Variants in CSMD1 observed in about 807,000 individuals in gnomAD.
CSMD1 encodes CUB and Sushi multiple domains 1.
A neutral mutation model predicts 417.5 loss-of-function variants in CSMD1; 213 were observed. That is an observed-to-expected ratio of 0.51 (90% CI 0.46 to 0.57). CSMD1 has a LOEUF of 0.57. Among genes scored for constraint, CSMD1 ranks in the 20% least tolerant of loss-of-function variants. The probability of loss-of-function intolerance (pLI) is 0.00; values close to 1 mark genes in which losing one functional copy is unlikely to be tolerated. For synonymous variants in CSMD1, 2,862 were observed against 1,736.8 expected (o/e 1.65, Z -16.11); for missense variants, 6,923 against 4,529.7 (o/e 1.53, Z -15.17).
intron 3 of CSMD1, among the ~76,000 whole-genome samples, chr8:4,196,892 A>T (rs1335811464): frequency 2.0e-5 from 3 of 152,206 alleles, no homozygotes; most frequent in African/African-American, 7.2e-5. Flanking sequence ...CGCCATCTTC[A>T]TTAAATTCCC....
At chr8:3,460,054 G>C (rs561985751) in intron 12 of CSMD1, among the ~76,000 whole-genome samples, 22 of 152,150 alleles carry the variant, frequency 1.4e-4, no homozygotes, top group Non-Finnish European at 2.1e-4. Context: ...GGCATAAAGA[G>C]GTCCTTGCAT....
At chr8:3,830,158 A>C (rs1178289965) in intron 5 of CSMD1, among the ~76,000 whole-genome samples, 2 of 152,168 alleles carry the variant, frequency 1.3e-5, no homozygotes, top group Non-Finnish European at 2.9e-5. Flanking sequence ...TATGCTCCAG[A>C]GTTTCTCTTC....
chr8:3,617,664 C>G (rs1802208937), intron 7 of CSMD1, among the ~76,000 whole-genome samples: 1 of 152,094 alleles, frequency 6.6e-6, no homozygotes, highest in Non-Finnish European at 1.5e-5. Context: ...TTCCTATAAT[C>G]CAAGGATGGA....
chr8:3,472,197 G>T (rs1817143151), intron 11 of CSMD1, among the ~76,000 whole-genome samples: 1 of 152,006 alleles, frequency 6.6e-6, no homozygotes, highest in Admixed American at 6.6e-5. Flanking sequence ...CCACTCTACT[G>T]CAAGGTATAA....
At chr8:3,916,556 G>T (rs188702390) in intron 5 of CSMD1, among the ~76,000 whole-genome samples, 5 of 152,218 alleles carry the variant, frequency 3.3e-5, no homozygotes, top group Admixed American at 3.3e-4. Context: ...ATCCGATTAT[G>T]TATGAAGTAT....
intron 23 of CSMD1, among the ~76,000 whole-genome samples, chr8:3,336,351 CAT>C (rs1807262198): frequency 6.6e-6 from 1 of 152,188 alleles, no homozygotes; most frequent in African/African-American, 2.4e-5. Context: ...TGCCAAGAGA[CAT>C]GTGTCACCTT....
intron 5 of CSMD1, among the ~76,000 whole-genome samples, chr8:3,891,694 A>AC (rs1167692772): frequency 6.6e-6 from 1 of 151,640 alleles, no homozygotes; most frequent in Non-Finnish European, 1.5e-5. Context: ...AAACGAAAAA[A>AC]AAAGGATTAA....
chr8:3,521,834 T>G (rs146407824), intron 10 of CSMD1, among the ~76,000 whole-genome samples: 2 of 152,206 alleles, frequency 1.3e-5, no homozygotes, highest in South Asian at 4.1e-4. Flanking sequence ...CTTTAAGAAA[T>G]GTATATTATC....
intron 3 of CSMD1, among the ~76,000 whole-genome samples, chr8:4,249,915 C>G (rs978620672): frequency 1.3e-5 from 2 of 152,042 alleles, no homozygotes; most frequent in African/African-American, 4.8e-5. Flanking sequence ...CTGGGAGCTC[C>G]TGGGAAGTGT....
intron 3 of CSMD1, among the ~76,000 whole-genome samples, chr8:4,141,682 G>A (rs1170283450): frequency 6.6e-6 from 1 of 150,998 alleles, no homozygotes; most frequent in African/African-American, 2.5e-5. Context: ...TCCAGAAATT[G>A]CTTAAATTTT....
Position 4,271,043 on chromosome 8 carries a change from A to G in CSMD1, c.415+148910T>C, listed in dbSNP as rs192504644. On this transcript the variant is annotated intron_variant, in intron 3 of 69. Coordinates refer to ENST00000635120, the MANE Select transcript of CSMD1 (RefSeq NM_033225.6). ...CTAGTGGGAAGAGAGTTAAAGAAAG[A>G]TTTCCTAGAAGAGCTGGTGCAGAAA... Among the ~76,000 whole-genome samples, 235 of 152,298 alleles carry G rather than the reference A, an allele frequency of 1.5e-3. 1 individual carries two copies. The highest frequency in any genetic ancestry group is 5.2e-3 in the African/African-American group (217 of 41,554).
intron 3 of CSMD1, among the ~76,000 whole-genome samples, chr8:4,074,257 G>T (rs923374587): frequency 2.6e-5 from 4 of 151,888 alleles, no homozygotes; most frequent in African/African-American, 9.7e-5. Flanking sequence ...AAAACAAATT[G>T]TTTCATAAAG....
chr8:4,701,662 T>A (rs1023494534), intron 1 of CSMD1, among the ~76,000 whole-genome samples: 3 of 151,766 alleles, frequency 2.0e-5, no homozygotes, highest in African/African-American at 7.3e-5. Flanking sequence ...GGTCCACACA[T>A]CTCCTCTGTC....
intron 2 of CSMD1, among the ~76,000 whole-genome samples, chr8:4,612,647 G>T (rs999779343): frequency 2.0e-5 from 3 of 152,142 alleles, no homozygotes; most frequent in African/African-American, 7.2e-5. Context: ...GGACCCATCA[G>T]CCTTCTCCAT....
intron 5 of CSMD1, among the ~76,000 whole-genome samples, chr8:3,987,199 C>T (rs148830704): frequency 1.2e-4 from 18 of 152,334 alleles, no homozygotes; most frequent in African/African-American, 3.8e-4. Context: ...TTTACACACA[C>T]CGTGCCCACA....
intron 1 of CSMD1, among the ~76,000 whole-genome samples, chr8:4,976,430 T>A (rs1209134904): frequency 1.3e-5 from 2 of 152,220 alleles, no homozygotes; most frequent in Non-Finnish European, 2.9e-5. Context: ...AGAAAGTTTG[T>A]TCTTAAATAC....
intron 2 of CSMD1, among the ~76,000 whole-genome samples, chr8:4,620,020 T>A (rs939532838): frequency 6.6e-6 from 1 of 152,030 alleles, no homozygotes; most frequent in African/African-American, 2.4e-5. Context: ...ATTTTATATA[T>A]GCATTTTATA....
chr8:3,051,207 T>G (rs186671801), intron 50 of CSMD1, among the ~76,000 whole-genome samples: 90 of 152,296 alleles, frequency 5.9e-4, no homozygotes, highest in African/African-American at 2.0e-3. Flanking sequence ...CAAATGCCCA[T>G]CAGTGGTAGA....
In CSMD1 at chr8:3,709,692, T is replaced by G. The variant is rs1347172873; in HGVS notation, c.932-1201A>C. 7.7e-4 allele frequency among the ~76,000 whole-genome samples: 93 copies of G among 120,216 alleles called. 6 individuals carry two copies. Among genetic ancestry groups the G allele is most frequent in the African/African-American group, 2.7e-3 (89 of 33,380 alleles). 78.9% of individuals were successfully genotyped at this position (120,216 alleles called of 152,430 possible). ...ATTGCAGCAGCATGTTTTTTTTTTT[T>G]TTTTTTTTTTTTTTTTTCCCTGCTT... On this transcript the variant is annotated intron_variant, in intron 6 of 69. Coordinates refer to ENST00000635120, the MANE Select transcript of CSMD1 (RefSeq NM_033225.6).
Sources: gnomAD v4.1 joint callset for allele counts (sites outside exome capture counted in the v4.1 genomes callset) on GRCh38, gnomAD v4.1.1 for gene constraint, MANE v1.5 for transcripts, NCBI Gene and HGNC (gene_info 2026-07-23, HGNC 2026-07-21) for gene names.